PCCA: variants seen among roughly 807,000 people sequenced by gnomAD.
PCCA encodes the protein propionyl-CoA carboxylase subunit alpha, also known as propionyl-CoA carboxylase alpha chain, mitochondrial.
In PCCA, 74 loss-of-function variants were observed where a neutral mutation model predicts 101.3. The ratio of observed to expected loss-of-function variants is 0.73; its 90% CI spans 0.61 to 0.89. The LOEUF is 0.89. Ranked by LOEUF, PCCA falls within the 40% of genes least tolerant of loss-of-function variation. The pLI is 0.00. For synonymous variants in PCCA, 294 were observed against 313.6 expected (o/e 0.94, Z 0.66); for missense variants, 891 against 907.0 (o/e 0.98, Z 0.23).
At chr13:100,263,779 A>G (rs907449083) in intron 10 of PCCA, among the ~76,000 whole-genome samples, 2 of 151,834 alleles carry the variant, frequency 1.3e-5, no homozygotes, top group African/African-American at 4.8e-5. Context: ...TGTATATCAT[A>G]TATACGGTAT....
chr13:100,425,566 A>T, intron 19 of PCCA, 67 bp from the exon 20 acceptor site: 1 of 1,053,764 alleles, frequency 9.5e-7, no homozygotes, highest in Non-Finnish European at 1.5e-6. Flanking sequence ...CTTTGTATGC[A>T]GCAATGAACT....
chr13:100,393,157 T>C (rs959890819), intron 19 of PCCA, among the ~76,000 whole-genome samples: 31 of 152,212 alleles, frequency 2.0e-4, no homozygotes, highest in African/African-American at 7.2e-4. Context: ...TCACATTTAA[T>C]AGCGTTCTTT....
intron 1 of PCCA, among the ~76,000 whole-genome samples, chr13:100,094,079 T>C (rs897848692): frequency 6.6e-6 from 1 of 151,730 alleles, no homozygotes; most frequent in African/African-American, 2.4e-5. Flanking sequence ...AAATACAAAA[T>C]TAGCCGGGCA....
intron 14 of PCCA, chr13:100,305,835 G>C: frequency 2.2e-6 from 1 of 448,292 alleles, no homozygotes; most frequent in South Asian, 1.7e-5. Flanking sequence ...AGTATATTTC[G>C]TAAGTGTGCT....
intron 21 of PCCA, among the ~76,000 whole-genome samples, chr13:100,457,099 C>T (rs999456267): frequency 1.3e-5 from 2 of 152,058 alleles, no homozygotes; most frequent in Admixed American, 6.6e-5. Flanking sequence ...ACCCTATGCC[C>T]GCCGGTTATT....
chr13:100,222,127 G>A (rs989841804), intron 7 of PCCA, among the ~76,000 whole-genome samples: 11 of 151,802 alleles, frequency 7.2e-5, no homozygotes, highest in African/African-American at 4.8e-5. Flanking sequence ...CTCCATCCCC[G>A]CCCCCTGGGT....
chr13:100,245,389 G>A (rs1182049861), intron 8 of PCCA, among the ~76,000 whole-genome samples: 2 of 152,156 alleles, frequency 1.3e-5, no homozygotes, highest in African/African-American at 4.8e-5. Context: ...GGAGTTTGTG[G>A]AGTTGTCATT....
At chr13:100,449,188 C>T (rs990974872) in intron 20 of PCCA, 64 bp from the exon 21 acceptor site, 125 of 1,015,508 alleles carry the variant, frequency 1.2e-4, no homozygotes, top group Non-Finnish European at 1.6e-4. Flanking sequence ...TTTTGGCTAT[C>T]GTGAACATTA....
At position 100,530,222 on chromosome 13, in the gene PCCA, T is replaced by G; in HGVS notation, c.*56T>G. ...TTTAATTAGCCATTTGCATGATGCTTTCACACACAATTGATTCAAGCATTA... is the reference window on the plus strand; with the variant it reads ...TTTAATTAGCCATTTGCATGATGCTGTCACACACAATTGATTCAAGCATTA... On this transcript the variant is annotated 3_prime_UTR_variant, in exon 24 of 24. Transcript: ENST00000376285. 3.8e-6 allele frequency: 5 copies of G among 1,322,198 alleles called. No homozygotes were observed. The highest frequency in any genetic ancestry group is 1.2e-5 in the South Asian group (1 of 84,358). 81.9% of individuals were successfully genotyped at this position (1,322,198 alleles called of 1,614,324 possible).
chr13:100,336,631 A>G (rs1319309083), intron 17 of PCCA, among the ~76,000 whole-genome samples: 1 of 152,190 alleles, frequency 6.6e-6, no homozygotes, highest in Non-Finnish European at 1.5e-5. Context: ...TTTCAGTCAC[A>G]AATACTTATA....
In PCCA at chr13:100,461,186, C is replaced by G. The variant is rs541852792; in HGVS notation, c.1899+11881C>G. Among the ~76,000 whole-genome samples, 7 of 152,326 alleles carry G rather than the reference C, an allele frequency of 4.6e-5. No homozygotes were observed. The South Asian group carries it at 1.2e-3, about 27-fold the overall frequency. The stretch of plus-strand genomic sequence containing the variant: ...CCTCCCCGTGGGGTTGTTATTGCTA[C>G]TATAGAACAGCAGCTACACAGTTGC... On this transcript the variant is annotated intron_variant, in intron 21 of 23. Coordinates refer to ENST00000376285, the MANE Select transcript of PCCA (RefSeq NM_000282.4).
At chr13:100,449,799 A>G (rs957158836) in intron 21 of PCCA, among the ~76,000 whole-genome samples, 18 of 152,218 alleles carry the variant, frequency 1.2e-4, no homozygotes, top group Non-Finnish European at 2.2e-4. Context: ...AATTATTTTC[A>G]AATGTGGATA....
intron 20 of PCCA, among the ~76,000 whole-genome samples, chr13:100,439,330 A>T (rs2080173586): frequency 1.3e-5 from 2 of 152,172 alleles, no homozygotes; most frequent in African/African-American, 2.4e-5. Flanking sequence ...ATTTCCCATT[A>T]GAAGATTTAA....
chr13:100,276,211 A>C (rs2063643627), intron 12 of PCCA, among the ~76,000 whole-genome samples: 1 of 82,904 alleles, frequency 1.2e-5, no homozygotes, highest in African/African-American at 5.9e-5. Flanking sequence ...ACTTGTCTGT[A>C]CCAAAAAAAA....
chr13:100,213,602 T>C (rs2059351188), intron 7 of PCCA, among the ~76,000 whole-genome samples: 1 of 152,114 alleles, frequency 6.6e-6, no homozygotes, highest in Non-Finnish European at 1.5e-5. Flanking sequence ...TCTTGTTGAG[T>C]TGTTTGAGCT....
intron 18 of PCCA, among the ~76,000 whole-genome samples, chr13:100,341,957 G>GTGTATATATATATATATA (rs371378776): frequency 1.9e-5 from 2 of 107,172 alleles, no homozygotes; most frequent in African/African-American, 8.6e-5. Flanking sequence ...ACCCTTCAAA[G>GTGTATATATATATATATA]TATATATATA....
chr13:100,302,980 A>AC lies in PCCA; in HGVS notation c.1268dup (p.Leu424ValfsTer17). The AC allele has an allele frequency of 1.9e-6, 3 of 1,597,092 alleles. No homozygotes were observed. The highest frequency in any genetic ancestry group is 1.7e-6 in the Non-Finnish European group (2 of 1,164,526). ...TTGGGAGATTGTCTCAGTACCAAGA[A>AC]CCGTTACATCTACCTGGTGTAAGTC... On this transcript the variant is annotated frameshift_variant, in exon 14 of 24. Coordinates refer to ENST00000376285, the MANE Select transcript of PCCA (RefSeq NM_000282.4). LOFTEE classifies it high-confidence loss of function.
chr13:100,106,763 G>C (rs1248178427), intron 2 of PCCA, among the ~76,000 whole-genome samples: 1 of 152,134 alleles, frequency 6.6e-6, no homozygotes, highest in East Asian at 1.9e-4. Context: ...TGTAGAAGTG[G>C]AATCTCCTTG....
intron 21 of PCCA, among the ~76,000 whole-genome samples, chr13:100,458,415 C>G (rs898927139): frequency 7.2e-6 from 1 of 139,142 alleles, no homozygotes; most frequent in Non-Finnish European, 1.5e-5. Flanking sequence ...GGGACCCCAT[C>G]TCTGCGCGCA....
Sources: gnomAD v4.1 joint callset for allele counts (sites outside exome capture counted in the v4.1 genomes callset) on GRCh38, gnomAD v4.1.1 for gene constraint, MANE v1.5 for transcripts, NCBI Gene and HGNC (gene_info 2026-07-23, HGNC 2026-07-21) for gene names.